Variants in ASAP1 observed in about 807,000 individuals in gnomAD.
ASAP1 encodes arf-GAP with SH3 domain, ANK repeat and PH domain-containing protein 1.
A neutral mutation model predicts 145.2 loss-of-function variants in ASAP1; 43 were observed. The observed-to-expected ratio is 0.30, with a 90% CI of 0.23 to 0.38. ASAP1 has a LOEUF of 0.38. Ranked by LOEUF, ASAP1 falls within the 10% of genes least tolerant of loss-of-function variation. The pLI, the probability that ASAP1 is intolerant of heterozygous loss-of-function variation, is 1.00. For synonymous variants in ASAP1, 546 were observed against 515.5 expected (o/e 1.06, Z -0.80); for missense variants, 1,018 against 1,355.3 (o/e 0.75, Z 3.91).
intron 25 of ASAP1, among the ~76,000 whole-genome samples, chr8:130,087,530 A>C (rs1334366387): frequency 6.6e-6 from 1 of 152,104 alleles, no homozygotes; most frequent in Non-Finnish European, 1.5e-5. Flanking sequence ...AATAAAAAAA[A>C]GAGAACTTGA....
chr8:130,357,952 G>C, intron 3 of ASAP1, 65 bp downstream of exon 3: 1 of 1,535,090 alleles, frequency 6.5e-7, no homozygotes, highest in Non-Finnish European at 8.7e-7. Context: ...AGCTCGGAGA[G>C]GAGATCCTCC....
chr8:130,204,553 A>G (rs1312036167), intron 5 of ASAP1, among the ~76,000 whole-genome samples: 1 of 152,168 alleles, frequency 6.6e-6, no homozygotes, highest in Non-Finnish European at 1.5e-5. Flanking sequence ...GGTCTCCTGC[A>G]GCTCCTGCTC....
chr8:130,278,575 T>G (rs1321388011), intron 3 of ASAP1, among the ~76,000 whole-genome samples: 1 of 152,222 alleles, frequency 6.6e-6, no homozygotes, highest in Non-Finnish European at 1.5e-5. Flanking sequence ...TAAGCCTTTC[T>G]CTTTTTTTCC....
intron 2 of ASAP1, among the ~76,000 whole-genome samples, chr8:130,370,374 A>G (rs952479096): frequency 2.6e-5 from 4 of 152,168 alleles, no homozygotes; most frequent in Non-Finnish European, 5.9e-5. Context: ...ATAAGGACAC[A>G]ATGAGAGGTC....
chr8:130,395,541 A>G (rs1303243808), intron 2 of ASAP1, among the ~76,000 whole-genome samples: 1 of 152,226 alleles, frequency 6.6e-6, no homozygotes, highest in Non-Finnish European at 1.5e-5. Context: ...AGGAACATCA[A>G]CGACTGCTGG....
chr8:130,140,975 T>G (rs2097609429), intron 13 of ASAP1, among the ~76,000 whole-genome samples: 1 of 152,240 alleles, frequency 6.6e-6, no homozygotes. Flanking sequence ...TTGTGTAACT[T>G]TCCAAAATTT....
intron 5 of ASAP1, 104 bp downstream of exon 5, chr8:130,214,452 C>T (rs1054630695): frequency 3.2e-6 from 4 of 1,233,252 alleles, no homozygotes; most frequent in Non-Finnish European, 3.3e-6. Flanking sequence ...TTTCTCACCC[C>T]TAGGACCAAG....
intron 3 of ASAP1, among the ~76,000 whole-genome samples, chr8:130,262,416 A>AAGAGAGAGAG (rs71513089): frequency 6.9e-4 from 40 of 57,840 alleles, no homozygotes; most frequent in African/African-American, 2.0e-3. Flanking sequence ...AAAAAAAAAA[A>AAGAGAGAGAG]AGAGAGAGAG....
chr8:130,256,755 A>ATG (rs1554860201), intron 3 of ASAP1, among the ~76,000 whole-genome samples: 2 of 89,780 alleles, frequency 2.2e-5, no homozygotes, highest in African/African-American at 8.0e-5. Context: ...ATATATATAT[A>ATG]TATATATATA....
intron 12 of ASAP1, among the ~76,000 whole-genome samples, chr8:130,158,982 C>T (rs1019412340): frequency 3.9e-5 from 6 of 152,192 alleles, no homozygotes; most frequent in African/African-American, 7.2e-5. Flanking sequence ...CTGCCCACCT[C>T]GGCCTCCCAA....
At chr8:130,202,376 T>A in intron 5 of ASAP1, among the ~76,000 whole-genome samples, 1 of 152,264 alleles carries the variant, frequency 6.6e-6, no homozygotes. Context: ...TGCTTTAGGG[T>A]AAACTATTAA....
intron 2 of ASAP1, among the ~76,000 whole-genome samples, chr8:130,394,407 A>G (rs1828428274): frequency 6.6e-6 from 1 of 152,156 alleles, no homozygotes; most frequent in South Asian, 2.1e-4. Flanking sequence ...AGGACAGGAA[A>G]TTCCCGCCTA....
At chr8:130,278,118 G>A (rs1302104229) in intron 3 of ASAP1, among the ~76,000 whole-genome samples, 1 of 151,256 alleles carries the variant, frequency 6.6e-6, no homozygotes, top group Non-Finnish European at 1.5e-5. Flanking sequence ...ATGTAAATTA[G>A]TACCAATATC....
intron 3 of ASAP1, among the ~76,000 whole-genome samples, chr8:130,250,997 C>G (rs1354770280): frequency 6.6e-6 from 1 of 152,132 alleles, no homozygotes; most frequent in Non-Finnish European, 1.5e-5. Context: ...CTCTATACTC[C>G]AACAATTCCC....
chr8:130,324,357 A>C (rs1188211279), intron 3 of ASAP1, among the ~76,000 whole-genome samples: 1 of 152,212 alleles, frequency 6.6e-6, no homozygotes, highest in East Asian at 1.9e-4. Context: ...AAACTGTCTA[A>C]GGCTGTCTTG....
At position 130,089,925 on chromosome 8, in the gene ASAP1, G is replaced by A. The variant is rs535035070; in HGVS notation, c.2572+2048C>T. ...CATGTGGCGAACTGTCACTGTGGCC[G>A]AGGACAGATGATGATTTTTGTCCTT... is the stretch of plus-strand genomic sequence containing the variant. On this transcript the variant is annotated intron_variant, in intron 25 of 29. Transcript: ENST00000518721. 2.0e-5 allele frequency among the ~76,000 whole-genome samples: 3 copies of A among 152,208 alleles called. 1 individual carries two copies. Among genetic ancestry groups the A allele is most frequent in the South Asian group, 4.1e-4 (2 of 4,828 alleles).
rs2097417715 is a variant in ASAP1 at position 130,060,797 on chromosome 8, T to C, written c.2974A>G (p.Lys992Glu). The change falls in exon 28 of 30, where the codon AAA (lysine) becomes GAA (glutamate). Residue 992 changes from lysine (K) to glutamate (E), a missense_variant. Lys to Glu is a moderately conservative substitution (Grantham distance 56). Transcript: ENST00000518721. ...PKPQMKDLPPKPQLGDLLAKS... is the reference protein window; with the variant it reads ...PKPQMKDLPPEPQLGDLLAKS... ...GCTAGCAGGTCTCCCAGCTGTGGTTTGGGGGGCAGGTCCTTCATCTGTGGT... is the reference window on the plus strand; with the variant it reads ...GCTAGCAGGTCTCCCAGCTGTGGTTCGGGGGGCAGGTCCTTCATCTGTGGT... 6.2e-7 allele frequency: 1 copy of C among 1,613,772 alleles called. No homozygotes were observed. Among genetic ancestry groups the C allele is most frequent in the Non-Finnish European group, 8.5e-7 (1 of 1,179,892 alleles).
chr8:130,178,892 G>GA (rs199580611), intron 9 of ASAP1, among the ~76,000 whole-genome samples: 3,157 of 136,912 alleles, frequency 0.023, 48 homozygotes, highest in East Asian at 0.067. Context: ...CGTCTCAAAG[G>GA]AAAAAAAAAA....
chr8:130,265,573 T>TA (rs79247144), intron 3 of ASAP1, among the ~76,000 whole-genome samples: 1,453 of 119,476 alleles, frequency 0.012, 16 homozygotes, highest in African/African-American at 0.034. Context: ...ACCCTGTCTT[T>TA]AAAAAAAAAA....
Sources: gnomAD v4.1 joint callset for allele counts (sites outside exome capture counted in the v4.1 genomes callset) on GRCh38, gnomAD v4.1.1 for gene constraint, MANE v1.5 for transcripts, NCBI Gene and HGNC (gene_info 2026-07-23, HGNC 2026-07-21) for gene names.